LENG8: variants seen among roughly 807,000 people sequenced by gnomAD.
The protein encoded by LENG8 is leukocyte receptor cluster member 8.
In LENG8, 28 loss-of-function variants were observed where a neutral mutation model predicts 102.1. That is an observed-to-expected ratio of 0.27 (90% CI 0.20 to 0.38). The LOEUF (loss-of-function observed/expected upper bound fraction) is 0.38. Ranked by LOEUF, LENG8 falls within the 10% of genes least tolerant of loss-of-function variation. The pLI is 1.00. For synonymous variants in LENG8, 531 were observed against 456.7 expected (o/e 1.16, Z -2.07); for missense variants, 1,022 against 1,113.9 (o/e 0.92, Z 1.17).
In LENG8 at chr19:54,459,971, G is replaced by T. The variant is rs1600011397; in HGVS notation, c.2241-795G>T. On this transcript the variant is annotated intron_variant, in intron 15 of 15. Coordinates refer to ENST00000326764, the MANE Select transcript of LENG8 (RefSeq NM_052925.4). Reference sequence around the variant, plus strand: ...GTTAATTGATACCTAATTGGCCTTGGTTGGGAACATAGCCATGAGTGCCCC... The same window carrying T: ...GTTAATTGATACCTAATTGGCCTTGTTTGGGAACATAGCCATGAGTGCCCC... 2.5e-6 allele frequency: 3 copies of T among 1,224,432 alleles called. No individual in the cohort carries two copies. The East Asian group carries it at 1.7e-4, about 71-fold the overall frequency. The allele number at this position is 1,224,432 out of a possible 1,614,324, so 75.8% of individuals were successfully genotyped here. A position where few individuals can be genotyped will look rare whatever the true frequency, so the allele number is the denominator to read the frequency against.
At chr19:54,452,505 A>G (rs959187036) in intron 3 of LENG8, 146 bp from the exon 4 acceptor site, 1 of 741,996 alleles carries the variant, frequency 1.3e-6, no homozygotes, top group Admixed American at 2.4e-5. Context: ...CGTGAGTCTC[A>G]TGGTAGAGAC....
Position 54,451,270 on chromosome 19 carries a change from A to C in LENG8, c.-55-20A>C. 6.7e-7 allele frequency: 1 copy of C among 1,488,342 alleles called. No individual in the cohort carries two copies. The highest frequency in any genetic ancestry group is 2.3e-5 in the East Asian group (1 of 44,324). 92.2% of individuals were successfully genotyped at this position (1,488,342 alleles called of 1,614,324 possible). A position where few individuals can be genotyped will look rare whatever the true frequency, so the allele number is the denominator to read the frequency against. ...TTTAGCTCCCCCTTAAGTCTCCCTA[A>C]CTCATTCTTTTTCTCATAGACAGTG... is the stretch of plus-strand genomic sequence containing the variant. On this transcript the variant is annotated intron_variant, in intron 1 of 15. Transcript: ENST00000326764.
chr19:54,452,085 C>T lies in LENG8; in HGVS notation c.39-8C>T, dbSNP rs2083989281. The T allele has an allele frequency of 5.6e-6, 9 of 1,603,976 alleles. No individual in the cohort carries two copies. The highest frequency in any genetic ancestry group is 1.3e-5 in the African/African-American group (1 of 74,858). On this transcript the variant is annotated splice_polypyrimidine_tract_variant and splice_region_variant and intron_variant, in intron 2 of 15. Transcript: ENST00000326764. Reference sequence around the variant, plus strand: ...ACAGGTGTGACTTGATGTCCTCTCTCTCTGCAGGTCTTCTCAGTACAGCAT... The same window carrying T: ...ACAGGTGTGACTTGATGTCCTCTCTTTCTGCAGGTCTTCTCAGTACAGCAT...
intron 11 of LENG8, 42 bp from the exon 12 acceptor site, chr19:54,457,705 C>A (rs1008965684): frequency 7.0e-7 from 1 of 1,433,632 alleles, no homozygotes; most frequent in Non-Finnish European, 9.8e-7. Context: ...GGCCACGCTA[C>A]CTGAGTTGTA....
chr19:54,457,689 G>C, intron 11 of LENG8, 58 bp from the exon 12 acceptor site: 1 of 1,205,882 alleles, frequency 8.3e-7, no homozygotes, highest in Non-Finnish European at 1.2e-6. Flanking sequence ...ATAAGTGGAA[G>C]CCGTTGGCCA....
rs2084189861 is a variant in LENG8, at chr19:54,455,634, TAGG to T, written c.1025+70_1025+72del. The T allele has an allele frequency of 1.7e-5, 24 of 1,410,366 alleles. No individual in the cohort carries two copies. In the South Asian group the frequency reaches 2.8e-4, roughly 16 times the overall value. The allele number at this position is 1,410,366 out of a possible 1,614,324, so 87.4% of individuals were successfully genotyped here. ...GAGAGGCATGGGCTGGGTATGGAGGTAGGAGAGTTGCGGGTCCCAGGTACCAGG... is the reference window on the plus strand; with the variant it reads ...GAGAGGCATGGGCTGGGTATGGAGGTAGAGTTGCGGGTCCCAGGTACCAGG... On this transcript the variant is annotated intron_variant, in intron 8 of 15. Transcript: ENST00000326764.
chr19:54,456,610 G>T (rs766320857), intron 10 of LENG8, 26 bp from the exon 11 acceptor site: 2 of 1,592,428 alleles, frequency 1.3e-6, no homozygotes, highest in African/African-American at 1.3e-5. Flanking sequence ...CGCCTGTCGC[G>T]CTCACTGCCC....
intron 15 of LENG8, chr19:54,460,255 T>A: frequency 7.8e-7 from 1 of 1,279,734 alleles, no homozygotes; most frequent in Non-Finnish European, 1.0e-6. Context: ...AGGACCTGGC[T>A]CGTGCTAGAT....
intron 1 of LENG8, 65 bp from the exon 2 acceptor site, chr19:54,451,225 T>G: frequency 9.5e-7 from 1 of 1,050,048 alleles, no homozygotes; most frequent in East Asian, 2.4e-5. Flanking sequence ...CTACTTTTCT[T>G]CCCCACTTTG....
In LENG8 at chr19:54,454,519, C is replaced by T. The variant is rs770230257; in HGVS notation, c.516C>T (p.Pro172=). 4.4e-5 allele frequency: 71 copies of T among 1,613,850 alleles called. No homozygotes were observed. The highest frequency in any genetic ancestry group is 1.3e-5 in the African/African-American group (1 of 74,950). Residue 172 remains proline, a synonymous_variant, in exon 6 of 16, where the codon CCC becomes CCT. Coordinates refer to ENST00000326764, the MANE Select transcript of LENG8 (RefSeq NM_052925.4). ...PSAQPPQPSN[P]PHGAHTLNSG... ...CTCAGCCCCCTCAGCCCTCAAATCC[C>T]CCACATGGGGCTCACACGCTGAACA...
chr19:54,460,148 G>A, intron 15 of LENG8: 1 of 1,290,034 alleles, frequency 7.8e-7, no homozygotes, highest in Non-Finnish European at 1.0e-6. Flanking sequence ...AGCAGAAGCG[G>A]GTTCTAGGAC....
At chr19:54,460,177 T>C in intron 15 of LENG8, 1 of 1,289,920 alleles carries the variant, frequency 7.8e-7, no homozygotes, top group South Asian at 1.2e-5. Context: ...CCTCACTCGG[T>C]GCCTGGGTTC....
intron 15 of LENG8, 23 bp downstream of exon 15, chr19:54,458,544 C>T: frequency 6.2e-7 from 1 of 1,613,970 alleles, no homozygotes; most frequent in Non-Finnish European, 8.5e-7. Context: ...AAGCTCCCTT[C>T]TGCCTTTGCT....
chr19:54,453,524 C>T, intron 4 of LENG8, 22 bp from the exon 5 acceptor site: 2 of 1,567,800 alleles, frequency 1.3e-6, no homozygotes, highest in East Asian at 2.2e-5. Flanking sequence ...CCACTAAACC[C>T]TCCCTCCCTG....
In LENG8 at chr19:54,454,638, C is replaced by T. The variant is rs1053132543; in HGVS notation, c.635C>T (p.Pro212Leu). The change falls in exon 6 of 16, where the codon CCT (proline) becomes CTT (leucine). Residue 212 changes from proline (P) to leucine (L), a missense_variant. Pro to Leu is a moderately conservative substitution (Grantham distance 98). Around this residue, in one of 7 missense-constraint regions of LENG8, gnomAD observed 343 missense variants for 320.2 expected, o/e 1.07. Coordinates refer to ENST00000326764, the MANE Select transcript of LENG8 (RefSeq NM_052925.4). Reference protein sequence around the residue: ...QAYGPHTYTEPAKPKKGQQLW... With the variant: ...QAYGPHTYTELAKPKKGQQLW... ...TATGGGCCACACACCTACACCGAAC[C>T]TGCCAAGCCCAAGAAGGGCCAACAG... The T allele has an allele frequency of 5.6e-6, 9 of 1,607,364 alleles. No homozygotes were observed. The highest frequency in any genetic ancestry group is 5.3e-5 in the African/African-American group (4 of 74,804).
Position 54,457,941 on chromosome 19 carries a change from G to C in LENG8, c.1841G>C (p.Gly614Ala). 6.2e-7 allele frequency: 1 copy of C among 1,613,786 alleles called. No individual in the cohort carries two copies. The highest frequency in any genetic ancestry group is 8.5e-7 in the Non-Finnish European group (1 of 1,180,016). ...KSIRQDLTVQGIRTEFTVEVY... is the reference protein window; with the variant it reads ...KSIRQDLTVQAIRTEFTVEVY... ...CTCGCCCCGCTGCCCCAGGTGCAGGGCATCCGCACCGAGTTCACGGTGGAG... is the reference window on the plus strand; with the variant it reads ...CTCGCCCCGCTGCCCCAGGTGCAGGCCATCCGCACCGAGTTCACGGTGGAG... The change falls in exon 13 of 16, where the codon GGC (glycine) becomes GCC (alanine). Residue 614 changes from glycine (G) to alanine (A), a missense_variant. Transcript: ENST00000326764.
intron 2 of LENG8, 100 bp downstream of exon 2, chr19:54,451,482 G>T (rs1172309744): frequency 1.7e-6 from 2 of 1,199,354 alleles, no homozygotes; most frequent in Non-Finnish European, 2.5e-6. Context: ...CTTAGGGGAG[G>T]TGATGCCACA....
Position 54,454,455 on chromosome 19 carries a change from G to T in LENG8, c.452G>T (p.Ser151Ile). Residue 151 changes from serine to isoleucine, a missense_variant, in exon 6 of 16, where the codon AGC (serine) becomes ATC (isoleucine). Coordinates refer to ENST00000326764, the MANE Select transcript of LENG8 (RefSeq NM_052925.4). ...NQPPVPGMDE[S>I]MSYQAPPQQL... The stretch of plus-strand genomic sequence containing the variant: ...CCCCCAGTCCCCGGCATGGATGAGA[G>T]CATGTCCTACCAGGCTCCCCCTCAG... The T allele has an allele frequency of 6.2e-7, 1 of 1,612,416 alleles. No individual in the cohort carries two copies. The highest frequency in any genetic ancestry group is 1.3e-5 in the African/African-American group (1 of 75,034).
Position 54,454,674 on chromosome 19 carries a change from G to T in LENG8, c.671G>T (p.Arg224Leu). Residue 224 changes from arginine to leucine, a missense_variant, in exon 6 of 16, where the codon CGC becomes CTC. Around this residue, in one of 7 missense-constraint regions of LENG8, gnomAD observed 343 missense variants for 320.2 expected, o/e 1.07. Transcript: ENST00000326764. ...KPKKGQQLWN[R>L]MKPAPGTGGL... ...AAGAAGGGCCAACAGCTGTGGAACC[G>T]CATGAAACGTAAGTTGGCAGAGCTA... 1.3e-6 allele frequency: 2 copies of T among 1,594,940 alleles called. No individual in the cohort carries two copies. The highest frequency in any genetic ancestry group is 1.7e-6 in the Non-Finnish European group (2 of 1,172,578).
Sources: allele counts gnomAD v4.1 joint callset, GRCh38; gene constraint gnomAD v4.1.1; regional missense constraint gnomAD v4.1.1; transcripts MANE v1.5; gene names NCBI Gene and HGNC (gene_info 2026-07-23, HGNC 2026-07-21).